The following SLC24A2 variants were observed in gnomAD, a reference collection of about 807,000 sequenced individuals.
SLC24A2 encodes the protein sodium/potassium/calcium exchanger 2.
Under a neutral mutation model 62.0 loss-of-function variants are expected in SLC24A2, and 36 were observed. The observed-to-expected ratio is 0.58, with a 90% CI of 0.44 to 0.77. The LOEUF (loss-of-function observed/expected upper bound fraction) is 0.77, where lower values mean the gene tolerates loss of function less well. Ranked by LOEUF, SLC24A2 falls within the 30% of genes least tolerant of loss-of-function variation. SLC24A2 has a pLI of 0.00. For synonymous variants in SLC24A2, 358 were observed against 294.0 expected, an observed-to-expected ratio of 1.22 and a Z score of -2.23; for missense variants, 846 against 817.9, an observed-to-expected ratio of 1.03 and a Z score of -0.42.
At position 19,550,123 on chromosome 9, in the gene SLC24A2, A is replaced by G. The variant is rs1392539999; in HGVS notation, c.1479+14T>C. 6.2e-7 allele frequency: 1 copy of G among 1,613,016 alleles called. No individual in the cohort carries two copies. Among genetic ancestry groups the G allele is most frequent in the South Asian group, 1.1e-5 (1 of 90,978 alleles). ...TGTTTTACAAGGGAACTATTTTTAA[A>G]ATGCTTTACTTACAGGTTTGCGAAC... On this transcript the variant is annotated intron_variant, in intron 8 of 10. Transcript: ENST00000341998.
At chr9:19,820,056 CACAT>C in the SLC24A2 span, among the ~76,000 whole-genome samples, 234 of 20,686 alleles carry the variant, frequency 0.011, 7 homozygotes, top group African/African-American at 0.016. Context: ...TATATATATA[CACAT>C]ATATATATAT....
At chr9:20,054,318 A>G in the SLC24A2 span, among the ~76,000 whole-genome samples, 1 of 151,956 alleles carries the variant, frequency 6.6e-6, no homozygotes, top group Admixed American at 6.6e-5. Flanking sequence ...CAGCCTCCCA[A>G]GTAGCTGGGA....
At position 19,546,380 on chromosome 9, in the gene SLC24A2, C is replaced by T. The variant is rs537706938; in HGVS notation, c.1479+3757G>A. 9.2e-5 allele frequency among the ~76,000 whole-genome samples: 14 copies of T among 152,250 alleles called. No individual in the cohort carries two copies. The East Asian group carries it at 1.9e-3, about 21-fold the overall frequency. On this transcript the variant is annotated intron_variant, in intron 8 of 10. Coordinates refer to ENST00000341998, the MANE Select transcript of SLC24A2 (RefSeq NM_020344.4). Reference sequence around the variant, plus strand: ...ACTGCCTTTTTTTTTCAGTGATGCCCTTGCCAGAGAGGAGGAATCTATAGA... The same window carrying T: ...ACTGCCTTTTTTTTTCAGTGATGCCTTTGCCAGAGAGGAGGAATCTATAGA...
At chr9:19,755,796 C>T (rs2118830722) in intron 2 of SLC24A2, among the ~76,000 whole-genome samples, 1 of 152,282 alleles carries the variant, frequency 6.6e-6, no homozygotes, top group Non-Finnish European at 1.5e-5. Flanking sequence ...AGTTTAATTC[C>T]TAATCGTAAA....
chr9:20,295,231 A>T, the SLC24A2 span, among the ~76,000 whole-genome samples: 1 of 152,176 alleles, frequency 6.6e-6, no homozygotes, highest in Non-Finnish European at 1.5e-5. Context: ...CACAATCCTG[A>T]AAGATTAAAA....
chr9:19,620,644 G>T (rs931828618), intron 3 of SLC24A2, among the ~76,000 whole-genome samples: 3 of 152,150 alleles, frequency 2.0e-5, no homozygotes, highest in African/African-American at 7.2e-5. Context: ...ATTTTGATGG[G>T]TTTTTATCCT....
chr9:20,300,589 T>A, the SLC24A2 span, among the ~76,000 whole-genome samples: 1 of 152,208 alleles, frequency 6.6e-6, no homozygotes, highest in South Asian at 2.1e-4. Context: ...GACATCAAGT[T>A]GGCCCATAGA....
intron 2 of SLC24A2, among the ~76,000 whole-genome samples, chr9:19,658,126 C>T (rs986522057): frequency 2.6e-5 from 4 of 152,198 alleles, no homozygotes; most frequent in South Asian, 2.1e-4. Context: ...CCCAAGCTGC[C>T]CTCTGGCAAG....
the SLC24A2 span, among the ~76,000 whole-genome samples, chr9:20,019,103 TAGAAAGAA>T: frequency 0.11 from 8,929 of 84,442 alleles, 457 homozygotes; most frequent in Middle Eastern, 0.16. Context: ...GAAAGAAAGA[TAGAAAGAA>T]AGAAAGAAAG....
At chr9:19,546,234 T>C (rs1586932551) in intron 8 of SLC24A2, among the ~76,000 whole-genome samples, 1 of 152,364 alleles carries the variant, frequency 6.6e-6, no homozygotes, top group East Asian at 1.9e-4. Flanking sequence ...TTGAACGTTG[T>C]GCTCTCTTCA....
chr9:20,195,266 T>G, the SLC24A2 span, among the ~76,000 whole-genome samples: 3,178 of 152,220 alleles, frequency 0.021, 120 homozygotes, highest in African/African-American at 0.071. Flanking sequence ...ATATAATAAC[T>G]ATTATTTATA....
At chr9:19,628,150 C>G (rs947769225) in intron 2 of SLC24A2, among the ~76,000 whole-genome samples, 14 of 152,138 alleles carry the variant, frequency 9.2e-5, no homozygotes, top group Non-Finnish European at 1.9e-4. Flanking sequence ...TGGTCCTTAA[C>G]TGTGGCTACT....
chr9:19,642,761 A>G (rs569581546), intron 2 of SLC24A2, among the ~76,000 whole-genome samples: 35 of 139,930 alleles, frequency 2.5e-4, no homozygotes, highest in Non-Finnish European at 5.0e-4. Context: ...GCTCACTGCA[A>G]GCTCCGCCTC....
At chr9:20,234,546 C>A in the SLC24A2 span, among the ~76,000 whole-genome samples, 1 of 152,194 alleles carries the variant, frequency 6.6e-6, no homozygotes. Flanking sequence ...GCATTCATCA[C>A]GTAGCTCTCG....
chr9:19,878,932 A>G, the SLC24A2 span, among the ~76,000 whole-genome samples: 3 of 152,124 alleles, frequency 2.0e-5, no homozygotes, highest in Non-Finnish European at 4.4e-5. Context: ...CTTCAAAATA[A>G]TTCTCTCTAG....
At chr9:20,280,235 C>T in the SLC24A2 span, among the ~76,000 whole-genome samples, 9 of 152,298 alleles carry the variant, frequency 5.9e-5, no homozygotes, top group East Asian at 1.5e-3. Context: ...AGTGTGATCC[C>T]ACAGGGAGCC....
intron 2 of SLC24A2, among the ~76,000 whole-genome samples, chr9:19,718,284 CTTTTT>C (rs71335446): frequency 1.8e-5 from 1 of 55,714 alleles, no homozygotes; most frequent in Non-Finnish European, 2.9e-5. Context: ...TGATTTAACA[CTTTTT>C]TTTTTTTTTT....
the SLC24A2 span, among the ~76,000 whole-genome samples, chr9:19,870,066 C>T: frequency 6.6e-6 from 1 of 152,106 alleles, no homozygotes; most frequent in African/African-American, 2.4e-5. Context: ...GTAAAATTTA[C>T]AATTCAGTCT....
intron 2 of SLC24A2, among the ~76,000 whole-genome samples, chr9:19,776,137 G>A (rs1194245906): frequency 6.6e-6 from 1 of 152,130 alleles, no homozygotes; most frequent in Non-Finnish European, 1.5e-5. Flanking sequence ...TATTTACATG[G>A]GGCATGGTCA....
Sources: gnomAD v4.1 joint callset for allele counts (sites outside exome capture counted in the v4.1 genomes callset) on GRCh38, gnomAD v4.1.1 for gene constraint, MANE v1.5 for transcripts, NCBI Gene and HGNC (gene_info 2026-07-23, HGNC 2026-07-21) for gene names.